Variants in ZYG11B observed in about 807,000 individuals in gnomAD.
ZYG11B encodes the protein zyg-11 family member B, cell cycle regulator, also known as protein zyg-11 homolog B.
A neutral mutation model predicts 82.4 loss-of-function variants in ZYG11B; 36 were observed. The observed-to-expected ratio is 0.44, with a 90% CI of 0.33 to 0.58. ZYG11B has a LOEUF of 0.58. ZYG11B is among the 20% of genes least tolerant of loss of function. The pLI is 0.02. For missense variants in ZYG11B, 552 were observed against 895.6 expected, an observed-to-expected ratio of 0.62 and a Z score of 4.90; for synonymous variants, 303 against 312.8, an observed-to-expected ratio of 0.97 and a Z score of 0.33.
At chr1:52,779,274 C>G (rs536813900) in intron 3 of ZYG11B, among the ~76,000 whole-genome samples, 67 of 151,996 alleles carry the variant, frequency 4.4e-4, no homozygotes, top group Non-Finnish European at 7.5e-4. Flanking sequence ...AGCGGTAGGG[C>G]CTTATAATAG....
At chr1:52,806,590 C>T (rs1226031813) in intron 10 of ZYG11B, among the ~76,000 whole-genome samples, 1 of 152,138 alleles carries the variant, frequency 6.6e-6, no homozygotes, top group Admixed American at 6.5e-5. Flanking sequence ...CTGCTAATAT[C>T]CTCTACTTTG....
At chr1:52,742,506 T>A (rs1644438496) in intron 1 of ZYG11B, among the ~76,000 whole-genome samples, 1 of 151,860 alleles carries the variant, frequency 6.6e-6, no homozygotes, top group African/African-American at 2.4e-5. Context: ...TTTTTTGTAT[T>A]TTTTTACAGC....
chr1:52,776,229 A>AATATATATATATATATATAT lies in ZYG11B; in HGVS notation c.952-3608_952-3607insATATATATATATATATATAT, dbSNP rs1293809937. 1.8e-3 allele frequency among the ~76,000 whole-genome samples: 43 copies of AATATATATATATATATATAT among 23,540 alleles called. 8 individuals carry two copies. In the South Asian group the frequency reaches 0.024, roughly 13 times the overall value. The allele number at this position is 23,540 out of a possible 152,430, so 15.4% of individuals were successfully genotyped here. On this transcript the variant is annotated intron_variant, in intron 3 of 13. Coordinates refer to ENST00000294353, the MANE Select transcript of ZYG11B (RefSeq NM_024646.3). Reference sequence around the variant, plus strand: ...AGCAAAACTCTGTCTTAAAAAAAAAAATATATATATATATATGCAATAAAG... The same window carrying AATATATATATATATATATAT: ...AGCAAAACTCTGTCTTAAAAAAAAAAATATATATATATATATATATATATATATATATATATGCAATAAAG...
chr1:52,787,396 G>T (rs905493747), intron 5 of ZYG11B, among the ~76,000 whole-genome samples: 4 of 152,110 alleles, frequency 2.6e-5, no homozygotes, highest in Non-Finnish European at 5.9e-5. Flanking sequence ...AAAAAGCAAG[G>T]GACTGTTAAA....
At chr1:52,815,153 C>G (rs1175321336) in intron 12 of ZYG11B, among the ~76,000 whole-genome samples, 3 of 151,294 alleles carry the variant, frequency 2.0e-5, no homozygotes, top group Non-Finnish European at 3.0e-5. Flanking sequence ...ATGAGACTCT[C>G]AAAAAAGGAA....
At chr1:52,782,795 A>T (rs900522135) in intron 4 of ZYG11B, among the ~76,000 whole-genome samples, 18 of 151,192 alleles carry the variant, frequency 1.2e-4, no homozygotes, top group Non-Finnish European at 1.9e-4. Flanking sequence ...TTTTAAAAAA[A>T]TTTTTTGTAG....
intron 1 of ZYG11B, among the ~76,000 whole-genome samples, chr1:52,738,065 A>G (rs1644392465): frequency 1.3e-5 from 2 of 152,232 alleles, no homozygotes. Flanking sequence ...ATCCCTTTGT[A>G]TAAACACTTG....
chr1:52,748,652 C>T (rs181565418), intron 1 of ZYG11B, among the ~76,000 whole-genome samples: 2 of 152,228 alleles, frequency 1.3e-5, no homozygotes, highest in Admixed American at 1.3e-4. Context: ...CACCTGAGTT[C>T]AGGAATTCGA....
At chr1:52,762,663 C>T (rs1487830836) in intron 2 of ZYG11B, among the ~76,000 whole-genome samples, 1 of 152,054 alleles carries the variant, frequency 6.6e-6, no homozygotes, top group East Asian at 1.9e-4. Flanking sequence ...TCACTGCAGC[C>T]TCCGCCTCCC....
At chr1:52,740,500 A>G (rs1644414566) in intron 1 of ZYG11B, among the ~76,000 whole-genome samples, 1 of 152,002 alleles carries the variant, frequency 6.6e-6, no homozygotes, top group Non-Finnish European at 1.5e-5. Context: ...AAATAGTTCA[A>G]TATCTCCATA....
intron 13 of ZYG11B, among the ~76,000 whole-genome samples, chr1:52,817,773 ATGTG>A (rs1298660470): frequency 2.8e-3 from 104 of 37,714 alleles, no homozygotes; most frequent in African/African-American, 7.7e-3. Flanking sequence ...GTGTATATAT[ATGTG>A]TATATATATA....
intron 3 of ZYG11B, chr1:52,772,679 T>C (rs567417639): frequency 2.0e-6 from 1 of 500,532 alleles, no homozygotes; most frequent in Non-Finnish European, 3.7e-6. Flanking sequence ...GAAAGGCTTG[T>C]TTTTTTTTTT....
At chr1:52,803,081 T>C (rs1347668562) in intron 10 of ZYG11B, among the ~76,000 whole-genome samples, 4 of 41,424 alleles carry the variant, frequency 9.7e-5, no homozygotes, top group East Asian at 2.3e-3. Flanking sequence ...TATATATATA[T>C]ATACACATAT....
chr1:52,742,493 AT>A (rs997560554), intron 1 of ZYG11B, among the ~76,000 whole-genome samples: 1 of 151,456 alleles, frequency 6.6e-6, no homozygotes, highest in African/African-American at 2.4e-5. Context: ...AAAAGAGAGA[AT>A]TTTTTTTGTA....
chr1:52,802,097 C>T lies in ZYG11B; in HGVS notation c.1653C>T (p.Phe551=), dbSNP rs990121781. Residue 551 remains phenylalanine, a synonymous_variant, in exon 10 of 14, where the codon TTC becomes TTT. Coordinates refer to ENST00000294353, the MANE Select transcript of ZYG11B (RefSeq NM_024646.3). ...GTTTCTTTTTCTTTTTACAGTCTTT[C>T]CCAACTGAGTCATCCATTCAGCAGA... ...LELFMRVLES[F]PTESSIQQKV... 6.2e-7 allele frequency: 1 copy of T among 1,609,222 alleles called. No individual in the cohort carries two copies.
chr1:52,727,326 C>T (rs1173899261), intron 1 of ZYG11B, among the ~76,000 whole-genome samples: 1 of 152,068 alleles, frequency 6.6e-6, no homozygotes, highest in African/African-American at 2.4e-5. Flanking sequence ...AGGTTTGCTT[C>T]TTCCTTTTCG....
Position 52,756,509 on chromosome 1 carries a change from AC to A in ZYG11B, c.83del (p.Thr28IlefsTer41). The A allele has an allele frequency of 6.2e-7, 1 of 1,613,658 alleles. No individual in the cohort carries two copies. The highest frequency in any genetic ancestry group is 8.5e-7 in the Non-Finnish European group (1 of 1,179,882). On this transcript the variant is annotated frameshift_variant, in exon 2 of 14. Coordinates refer to ENST00000294353, the MANE Select transcript of ZYG11B (RefSeq NM_024646.3). LOFTEE classifies it high-confidence loss of function. ...LLDICLNFLT[T>X]HLEKFCSARQ... Reference sequence around the variant, plus strand: ...TGATATCTGCTTGAATTTCTTGACTACTCACCTTGAGAAGTTCTGTTCAGCC... The same window carrying A: ...TGATATCTGCTTGAATTTCTTGACTATCACCTTGAGAAGTTCTGTTCAGCC...
intron 13 of ZYG11B, 80 bp from the exon 14 acceptor site, chr1:52,821,359 A>G (rs1645281703): frequency 1.4e-6 from 2 of 1,443,286 alleles, no homozygotes; most frequent in African/African-American, 1.4e-5. Context: ...CCTAGAAGTC[A>G]TTTTTTTGTG....
At chr1:52,783,029 C>G (rs185212037) in intron 4 of ZYG11B, among the ~76,000 whole-genome samples, 1 of 151,346 alleles carries the variant, frequency 6.6e-6, no homozygotes, top group Non-Finnish European at 1.5e-5. Flanking sequence ...CATGTTCAAG[C>G]GATTCTTCTG....
Sources: allele counts gnomAD v4.1 joint callset (sites outside exome capture counted in the v4.1 genomes callset), GRCh38; gene constraint gnomAD v4.1.1; transcripts MANE v1.5; gene names NCBI Gene and HGNC (gene_info 2026-07-23, HGNC 2026-07-21).